ANKS1B: variants seen among roughly 807,000 people sequenced by gnomAD.
The protein encoded by ANKS1B is ankyrin repeat and sterile alpha motif domain containing 1B.
Under a neutral mutation model 148.3 loss-of-function variants are expected in ANKS1B, and 36 were observed. The observed-to-expected ratio is 0.24, with a 90% CI of 0.19 to 0.32. ANKS1B has a LOEUF of 0.32. ANKS1B is among the 10% of genes least tolerant of loss of function. The probability of loss-of-function intolerance (pLI) is 1.00; values close to 1 mark genes in which losing one functional copy is unlikely to be tolerated. For missense variants in ANKS1B, 1,157 were observed against 1,542.6 expected, an observed-to-expected ratio of 0.75 and a Z score of 4.19; for synonymous variants, 542 against 560.8, an observed-to-expected ratio of 0.97 and a Z score of 0.47.
intron 16 of ANKS1B, among the ~76,000 whole-genome samples, chr12:99,065,638 C>CCCAT (rs34386631): frequency 0.043 from 1,810 of 41,692 alleles, 23 homozygotes; most frequent in Middle Eastern, 0.098. Context: ...ATCCATCCAT[C>CCCAT]CCATCCATCC....
chr12:99,115,217 C>T (rs2061100308), intron 15 of ANKS1B, among the ~76,000 whole-genome samples: 1 of 152,122 alleles, frequency 6.6e-6, no homozygotes, highest in Admixed American at 6.5e-5. Flanking sequence ...ACAGAATCAA[C>T]TTAAATGCCC....
At chr12:99,461,552 T>G (rs1186246555) in intron 10 of ANKS1B, among the ~76,000 whole-genome samples, 1 of 152,192 alleles carries the variant, frequency 6.6e-6, no homozygotes, top group African/African-American at 2.4e-5. Context: ...TCCTTCACAC[T>G]CATTTAAAAA....
chr12:99,734,998 C>T (rs2059488188), intron 8 of ANKS1B, among the ~76,000 whole-genome samples: 2 of 152,152 alleles, frequency 1.3e-5, no homozygotes, highest in Admixed American at 1.3e-4. Context: ...GTCACCCAGC[C>T]TAGAAGTCTT....
At chr12:99,004,669 G>T (rs869031) in intron 17 of ANKS1B, among the ~76,000 whole-genome samples, 8,252 of 151,876 alleles carry the variant, frequency 0.054, 681 homozygotes, top group African/African-American at 0.18. Context: ...GGTGCTGGGT[G>T]GGGGGGAAAA....
At position 99,246,874 on chromosome 12, in the gene ANKS1B, G is replaced by A. The variant is rs74712860; in HGVS notation, c.1757-10C>T. ...TGTCGGGAGAGGTCATCTGCAAAAG[G>A]AAGGAAGGGATATCAGGGTTTATAA... On this transcript the variant is annotated splice_polypyrimidine_tract_variant and intron_variant, in intron 12 of 26. Transcript: ENST00000683438. 5,688 of 1,558,476 alleles carry A rather than the reference G, an allele frequency of 3.6e-3. 133 individuals are homozygous for A. In the South Asian group the frequency reaches 0.044, roughly 12 times the overall value.
chr12:99,436,220 C>T (rs1431098487), intron 11 of ANKS1B, among the ~76,000 whole-genome samples: 6 of 151,850 alleles, frequency 4.0e-5, no homozygotes, highest in South Asian at 2.1e-4. Context: ...TATTCCACCT[C>T]GATTATTTTC....
chr12:99,503,084 G>A lies in ANKS1B; in HGVS notation c.1438+1392C>T, dbSNP rs367650381. Among the ~76,000 whole-genome samples the A allele has an allele frequency of 1.1e-4, 16 of 152,246 alleles. No homozygotes were observed. The East Asian group carries it at 2.3e-3, about 22-fold the overall frequency. Reference sequence around the variant, plus strand: ...CCTGAATAGCTGGGACTACAGGCATGGGCCATCACGTCCAGCTAATTTTTT... The same window carrying A: ...CCTGAATAGCTGGGACTACAGGCATAGGCCATCACGTCCAGCTAATTTTTT... On this transcript the variant is annotated intron_variant, in intron 10 of 26. Coordinates refer to ENST00000683438, the MANE Select transcript of ANKS1B (RefSeq NM_001352186.2).
intron 12 of ANKS1B, among the ~76,000 whole-genome samples, chr12:99,289,899 A>T (rs183298800): frequency 6.6e-6 from 1 of 152,064 alleles, no homozygotes; most frequent in East Asian, 1.9e-4. Context: ...CAAACACAAA[A>T]TTACTAGAAG....
intron 15 of ANKS1B, among the ~76,000 whole-genome samples, chr12:99,121,304 A>C (rs2062749737): frequency 1.2e-5 from 1 of 85,368 alleles, no homozygotes. Context: ...CTGTTTTAAC[A>C]GTGTGTGTAT....
chr12:99,575,228 A>G (rs891786457), intron 9 of ANKS1B, among the ~76,000 whole-genome samples: 1 of 152,024 alleles, frequency 6.6e-6, no homozygotes, highest in Non-Finnish European at 1.5e-5. Flanking sequence ...GAGGTTGGGG[A>G]CCTATAGTCA....
At chr12:99,854,189 T>A (rs1374262053) in intron 1 of ANKS1B, among the ~76,000 whole-genome samples, 2 of 152,156 alleles carry the variant, frequency 1.3e-5, no homozygotes, top group Non-Finnish European at 2.9e-5. Flanking sequence ...TTTTTTTGTA[T>A]CTTTAGTAGA....
rs76326099 is a variant in ANKS1B at position 99,851,235 on chromosome 12, A to G, written c.135-25846T>C. 7.9e-3 allele frequency among the ~76,000 whole-genome samples: 1,210 copies of G among 152,232 alleles called. 14 individuals carry two copies. Among genetic ancestry groups the G allele is most frequent in the African/African-American group, 0.028 (1,146 of 41,560 alleles). Reference sequence around the variant, plus strand: ...TCCTGTGGCAGGAATATTTAAAACAATTTAAGAAAACTCCTAACCAGAACA... The same window carrying G: ...TCCTGTGGCAGGAATATTTAAAACAGTTTAAGAAAACTCCTAACCAGAACA... On this transcript the variant is annotated intron_variant, in intron 1 of 26. Transcript: ENST00000683438.
In ANKS1B at chr12:99,566,918, C is replaced by T. The variant is rs142724778; in HGVS notation, c.1273-62277G>A. Among the ~76,000 whole-genome samples, 370 of 152,214 alleles carry T rather than the reference C, an allele frequency of 2.4e-3. 1 individual carries two copies. Among genetic ancestry groups the T allele is most frequent in the African/African-American group, 8.2e-3 (339 of 41,548 alleles). ...TCCTAGCCTTTGTCTACTGTCTAAT[C>T]CCAAAGCTGCTCCCATATTTTAGGT... On this transcript the variant is annotated intron_variant, in intron 9 of 26. Coordinates refer to ENST00000683438, the MANE Select transcript of ANKS1B (RefSeq NM_001352186.2).
chr12:99,929,490 T>C (rs1425985992), intron 1 of ANKS1B, among the ~76,000 whole-genome samples: 3 of 152,232 alleles, frequency 2.0e-5, no homozygotes, highest in Admixed American at 6.5e-5. Context: ...GTGCAGAAGC[T>C]TTTTAGTTTA....
intron 8 of ANKS1B, among the ~76,000 whole-genome samples, chr12:99,660,672 T>C (rs2098473002): frequency 6.6e-6 from 1 of 152,174 alleles, no homozygotes; most frequent in African/African-American, 2.4e-5. Flanking sequence ...CTAAACTTTC[T>C]AAGTATTGCC....
chr12:98,758,267 T>C (rs979637266), intron 25 of ANKS1B, among the ~76,000 whole-genome samples: 4 of 152,202 alleles, frequency 2.6e-5, no homozygotes, highest in Admixed American at 6.5e-5. Context: ...TTAAATAACT[T>C]GCTCATGAAG....
chr12:99,912,378 G>C (rs2094032408), intron 1 of ANKS1B, among the ~76,000 whole-genome samples: 1 of 149,862 alleles, frequency 6.7e-6, no homozygotes, highest in Non-Finnish European at 1.5e-5. Flanking sequence ...TTGAGACAGA[G>C]TCTCACTCTG....
Position 98,929,965 on chromosome 12 carries a change from G to A in ANKS1B, c.2779-97829C>T, listed in dbSNP as rs574256864. On this transcript the variant is annotated intron_variant, in intron 17 of 26. Transcript: ENST00000683438. ...ATCATCAAAATTAAAAACTTTTTGTGATTCAAATGATATTATGAAGAAAGT... is the reference window on the plus strand; with the variant it reads ...ATCATCAAAATTAAAAACTTTTTGTAATTCAAATGATATTATGAAGAAAGT... Among the ~76,000 whole-genome samples the A allele has an allele frequency of 7.2e-5, 11 of 152,114 alleles. No homozygotes were observed. In the South Asian group the frequency reaches 2.3e-3, roughly 32 times the overall value.
chr12:99,354,167 C>A (rs902026862), intron 12 of ANKS1B, among the ~76,000 whole-genome samples: 2 of 151,940 alleles, frequency 1.3e-5, no homozygotes, highest in African/African-American at 4.8e-5. Flanking sequence ...TCTATACAAC[C>A]AGGAAAGAGA....
Sources: gnomAD v4.1 joint callset for allele counts (sites outside exome capture counted in the v4.1 genomes callset) on GRCh38, gnomAD v4.1.1 for gene constraint, MANE v1.5 for transcripts, NCBI Gene and HGNC (gene_info 2026-07-23, HGNC 2026-07-21) for gene names.